The following SHLD1 variants were observed in gnomAD, a reference collection of about 807,000 sequenced individuals.
The protein encoded by SHLD1 is shieldin complex subunit 1, also known as RINN1-REV7-interacting novel NHEJ regulator 3.
A neutral mutation model predicts 5.5 loss-of-function variants in SHLD1; 3 were observed. The observed-to-expected ratio is 0.54, with a 90% CI of 0.25 to 1.40. The LOEUF (loss-of-function observed/expected upper bound fraction) is 1.40. SHLD1 is among the 40% of genes most tolerant of loss of function. The pLI, the probability that SHLD1 is intolerant of heterozygous loss-of-function variation, is 0.15. For missense variants in SHLD1, 210 were observed against 244.4 expected (o/e 0.86, Z 0.94); for synonymous variants, 92 against 94.3 (o/e 0.98, Z 0.14).
chr20:5,755,121 T>C (rs1484854683), intron 1 of SHLD1, among the ~76,000 whole-genome samples: 1 of 151,880 alleles, frequency 6.6e-6, no homozygotes, highest in African/African-American at 2.4e-5. Context: ...GCCAAGGTTC[T>C]TGTTGTATAG....
Position 5,863,633 on chromosome 20 carries a change from GC to G in SHLD1, c.*173del. On this transcript the variant is annotated 3_prime_UTR_variant, in exon 3 of 3. Transcript: ENST00000303142. ...TGTGACCTGGTATTGGAGCCAGTCA[GC>G]CCATATGGAGAGCCAGCAGGGTCTG... 3.1e-6 allele frequency: 2 copies of G among 644,294 alleles called. No homozygotes were observed. Among genetic ancestry groups the G allele is most frequent in the Non-Finnish European group, 5.1e-6 (2 of 391,396 alleles). 39.9% of individuals were successfully genotyped at this position (644,294 alleles called of 1,614,324 possible). A position where few individuals can be genotyped will look rare whatever the true frequency, so the allele number is the denominator to read the frequency against.
chr20:5,851,494 T>TAA (rs557612044), intron 2 of SHLD1, among the ~76,000 whole-genome samples: 3 of 133,318 alleles, frequency 2.3e-5, no homozygotes, highest in Non-Finnish European at 1.6e-5. Context: ...CCTGTCTCCT[T>TAA]AAAAAAAAAA....
At chr20:5,768,909 T>G (rs1490574013) in intron 1 of SHLD1, among the ~76,000 whole-genome samples, 4 of 150,720 alleles carry the variant, frequency 2.7e-5, no homozygotes, top group Non-Finnish European at 4.4e-5. Context: ...TAATTGTTTT[T>G]TTTTTTTTTT....
chr20:5,854,477 C>A (rs779062278), intron 2 of SHLD1, among the ~76,000 whole-genome samples: 7 of 152,044 alleles, frequency 4.6e-5, no homozygotes, highest in Non-Finnish European at 1.0e-4. Flanking sequence ...AATTGTGTTC[C>A]TTGGTAGAAG....
In SHLD1 at chr20:5,816,104, A is replaced by G. The variant is rs1054608276; in HGVS notation, c.178+43061A>G. Among the ~76,000 whole-genome samples the G allele has an allele frequency of 1.1e-4, 17 of 149,556 alleles. No homozygotes were observed. In the East Asian group the frequency reaches 1.4e-3, roughly 12 times the overall value. ...TCAAAAAAACGAAAAAAAAAAAAAAAAAAGAAAGAAAAAGAAATGGCATAA... is the reference window on the plus strand; with the variant it reads ...TCAAAAAAACGAAAAAAAAAAAAAAGAAAGAAAGAAAAAGAAATGGCATAA... On this transcript the variant is annotated intron_variant, in intron 2 of 2. Coordinates refer to ENST00000303142, the MANE Select transcript of SHLD1 (RefSeq NM_152504.4).
chr20:5,819,257 C>T (rs571768936), intron 2 of SHLD1, among the ~76,000 whole-genome samples: 1 of 152,246 alleles, frequency 6.6e-6, no homozygotes, highest in East Asian at 1.9e-4. Flanking sequence ...TTCATCTGGG[C>T]ATGCTCAGGT....
At chr20:5,840,156 A>G (rs940500996) in intron 2 of SHLD1, among the ~76,000 whole-genome samples, 1 of 152,154 alleles carries the variant, frequency 6.6e-6, no homozygotes, top group African/African-American at 2.4e-5. Flanking sequence ...TGCATGCTTT[A>G]TTAGTCTTTG....
At chr20:5,859,074 T>G (rs2122510704) in intron 2 of SHLD1, among the ~76,000 whole-genome samples, 1 of 152,110 alleles carries the variant, frequency 6.6e-6, no homozygotes, top group Admixed American at 6.5e-5. Flanking sequence ...TCAACCATTG[T>G]TGTGGGGTAA....
intron 1 of SHLD1, among the ~76,000 whole-genome samples, chr20:5,765,874 G>A (rs1180184593): frequency 6.8e-6 from 1 of 147,928 alleles, no homozygotes; most frequent in East Asian, 2.0e-4. Context: ...CCATCTCGGG[G>A]TCCCAAAGTG....
chr20:5,799,049 A>C (rs2087253205), intron 2 of SHLD1, among the ~76,000 whole-genome samples: 1 of 152,082 alleles, frequency 6.6e-6, no homozygotes, highest in Non-Finnish European at 1.5e-5. Flanking sequence ...ATACAAATAC[A>C]AAAATTAGCC....
chr20:5,785,120 C>T lies in SHLD1; in HGVS notation c.178+12077C>T, dbSNP rs181460247. Among the ~76,000 whole-genome samples, 233 of 152,130 alleles carry T rather than the reference C, an allele frequency of 1.5e-3. 1 individual carries two copies. The highest frequency in any genetic ancestry group is 5.1e-3 in the African/African-American group (212 of 41,412). On this transcript the variant is annotated intron_variant, in intron 2 of 2. Transcript: ENST00000303142. ...GATTACAATAGTCAATCCCAAAGAC[C>T]GTAGGCCATAAGACCCCCATTTCAA...
chr20:5,848,101 A>G (rs1008905954), intron 2 of SHLD1, among the ~76,000 whole-genome samples: 4 of 152,268 alleles, frequency 2.6e-5, no homozygotes, highest in African/African-American at 7.2e-5. Flanking sequence ...ATCATAAAGT[A>G]GCATGCAAAA....
intron 2 of SHLD1, among the ~76,000 whole-genome samples, chr20:5,841,956 C>T (rs564452718): frequency 6.6e-6 from 1 of 152,222 alleles, no homozygotes; most frequent in South Asian, 2.1e-4. Flanking sequence ...AAATAGTTGA[C>T]TATGGAGAAA....
chr20:5,854,221 G>C (rs1429108632), intron 2 of SHLD1, among the ~76,000 whole-genome samples: 2 of 152,130 alleles, frequency 1.3e-5, no homozygotes, highest in Non-Finnish European at 1.5e-5. Flanking sequence ...GGTCAGGCTT[G>C]TGTCAAACTC....
At chr20:5,759,770 G>T (rs1984353539) in intron 1 of SHLD1, among the ~76,000 whole-genome samples, 1 of 151,910 alleles carries the variant, frequency 6.6e-6, no homozygotes, top group African/African-American at 2.4e-5. Context: ...CAAATTATTG[G>T]GCTCAAGCAA....
chr20:5,755,811 G>A (rs1051324317), intron 1 of SHLD1, among the ~76,000 whole-genome samples: 6 of 152,100 alleles, frequency 3.9e-5, no homozygotes, highest in African/African-American at 1.4e-4. Flanking sequence ...CGCCCACCTC[G>A]GCTTCCTGGA....
intron 1 of SHLD1, among the ~76,000 whole-genome samples, chr20:5,766,362 G>A (rs73894020): frequency 2.8e-3 from 428 of 152,314 alleles, no homozygotes; most frequent in African/African-American, 9.9e-3. Flanking sequence ...CAGCCTGAGC[G>A]AATGTGTACA....
intron 1 of SHLD1, among the ~76,000 whole-genome samples, chr20:5,752,728 G>A (rs1052394793): frequency 2.7e-5 from 4 of 149,762 alleles, no homozygotes; most frequent in Admixed American, 1.3e-4. Context: ...GCAGTTCTCC[G>A]TCTCAGCTTC....
At chr20:5,790,231 T>C (rs2087119656) in intron 2 of SHLD1, among the ~76,000 whole-genome samples, 2 of 152,102 alleles carry the variant, frequency 1.3e-5, no homozygotes, top group South Asian at 4.1e-4. Flanking sequence ...CCAGGGAGCC[T>C]GAAACTTCCT....
Sources: allele counts gnomAD v4.1 joint callset (sites outside exome capture counted in the v4.1 genomes callset), GRCh38; gene constraint gnomAD v4.1.1; transcripts MANE v1.5; gene names NCBI Gene and HGNC (gene_info 2026-07-23, HGNC 2026-07-21).